Variants in CLMP observed in about 807,000 individuals in gnomAD.
The protein encoded by CLMP is CXADR-like membrane protein.
CLMP carries 27 observed loss-of-function variants against 45.2 expected under a neutral mutation model. That is an observed-to-expected ratio of 0.60 (90% CI 0.44 to 0.82). The LOEUF is 0.82. Among genes scored for constraint, CLMP ranks in the 40% least tolerant of loss-of-function variants. CLMP has a pLI of 0.00. For missense variants in CLMP, 403 were observed against 448.4 expected (o/e 0.90, Z 0.91); for synonymous variants, 167 against 171.4 (o/e 0.97, Z 0.20).
rs201940583 is a variant in CLMP, at chr11:123,092,907, C to CT, written c.186+4887dup. The stretch of plus-strand genomic sequence containing the variant: ...GCCACTGTGCCTGGCCTGACACACA[C>CT]TTTTTTTTTTTTTTTTTTGAGATGT... On this transcript the variant is annotated intron_variant, in intron 2 of 6. Transcript: ENST00000448775. Among the ~76,000 whole-genome samples, 665 of 128,214 alleles carry CT rather than the reference C, an allele frequency of 5.2e-3. 1 individual carries two copies. The highest frequency in any genetic ancestry group is 0.014 in the African/African-American group (457 of 32,254). 84.1% of individuals were successfully genotyped at this position (128,214 alleles called of 152,430 possible).
At chr11:123,084,382 C>T (rs537987811) in intron 3 of CLMP, 130 bp downstream of exon 3, 17 of 694,828 alleles carry the variant, frequency 2.4e-5, no homozygotes, top group Non-Finnish European at 3.7e-5. Flanking sequence ...GGGAACTGGA[C>T]GAGGTGACCT....
chr11:123,084,650 C>T lies in CLMP; in HGVS notation c.250G>A (p.Ala84Thr), dbSNP rs1448629423. The T allele has an allele frequency of 2.5e-6, 4 of 1,614,200 alleles. No individual in the cohort carries two copies. In the African/African-American group the frequency reaches 4.0e-5, roughly 16 times the overall value. ...NLTEEQKGRV[A>T]FASNFLAGDA... ...CCTGCCAGGAAATTGGAAGCAAAGGCCACTCGGCCCTTCTGTTCCTCAGTC... is the reference window on the plus strand; with the variant it reads ...CCTGCCAGGAAATTGGAAGCAAAGGTCACTCGGCCCTTCTGTTCCTCAGTC... Residue 84 changes from alanine to threonine, a missense_variant, in exon 3 of 7, where the codon GCC (alanine) becomes ACC (threonine). Transcript: ENST00000448775.
At chr11:123,113,496 G>A (rs947446683) in intron 1 of CLMP, among the ~76,000 whole-genome samples, 11 of 152,308 alleles carry the variant, frequency 7.2e-5, no homozygotes, top group South Asian at 6.2e-4. Flanking sequence ...TGAAGAGTAC[G>A]TTAGAATTTT....
chr11:123,130,841 CTTTTT>C (rs11322192), intron 1 of CLMP, among the ~76,000 whole-genome samples: 2 of 126,278 alleles, frequency 1.6e-5, no homozygotes, highest in Admixed American at 8.4e-5. Context: ...TTTTCTTTTC[CTTTTT>C]TTTTTTTTTT....
chr11:123,174,995 G>A (rs938295699), intron 1 of CLMP, among the ~76,000 whole-genome samples: 1 of 152,116 alleles, frequency 6.6e-6, no homozygotes, highest in Admixed American at 6.6e-5. Flanking sequence ...GTTCTGTCAC[G>A]CCAGCTGGAG....
intron 1 of CLMP, among the ~76,000 whole-genome samples, chr11:123,130,125 A>G (rs955656881): frequency 6.6e-6 from 1 of 152,198 alleles, no homozygotes; most frequent in Admixed American, 6.5e-5. Context: ...GGTGAGAAAG[A>G]GTAAAAATAT....
chr11:123,110,064 C>T (rs1860617430), intron 1 of CLMP, among the ~76,000 whole-genome samples: 1 of 152,216 alleles, frequency 6.6e-6, no homozygotes, highest in Non-Finnish European at 1.5e-5. Context: ...AATAGGTTTA[C>T]TGCATTTTGT....
chr11:123,166,268 G>C (rs971467359), intron 1 of CLMP, among the ~76,000 whole-genome samples: 4 of 152,024 alleles, frequency 2.6e-5, no homozygotes, highest in Non-Finnish European at 5.9e-5. Flanking sequence ...CTACATCCAG[G>C]TGCCTCTTCT....
intron 1 of CLMP, among the ~76,000 whole-genome samples, chr11:123,170,399 C>T (rs527255816): frequency 2.0e-5 from 3 of 151,404 alleles, no homozygotes; most frequent in East Asian, 3.9e-4. Context: ...GTGGAAGTTC[C>T]TCCTTTTGGC....
At chr11:123,154,603 AT>A (rs1283747522) in intron 1 of CLMP, among the ~76,000 whole-genome samples, 1 of 152,164 alleles carries the variant, frequency 6.6e-6, no homozygotes, top group African/African-American at 2.4e-5. Flanking sequence ...TGTCAAATAA[AT>A]AAGGTGACCA....
chr11:123,156,908 C>G (rs114752879), intron 1 of CLMP, among the ~76,000 whole-genome samples: 19 of 152,252 alleles, frequency 1.2e-4, no homozygotes, highest in African/African-American at 4.6e-4. Context: ...CTTTGTTAAG[C>G]AATTATTTTG....
intron 1 of CLMP, among the ~76,000 whole-genome samples, chr11:123,149,574 C>A (rs1485779553): frequency 6.6e-6 from 1 of 152,058 alleles, no homozygotes; most frequent in East Asian, 1.9e-4. Flanking sequence ...TTAACTTTGA[C>A]CAATTTAGTT....
intron 1 of CLMP, among the ~76,000 whole-genome samples, chr11:123,134,671 GGTAGTGCATGCTT>G (rs1268130689): frequency 2.7e-5 from 4 of 148,820 alleles, no homozygotes; most frequent in Admixed American, 1.3e-4. Flanking sequence ...AGCCCAGCAT[GGTAGTGCATGCTT>G]GTAGTCCCAG....
At chr11:123,076,984 A>G (rs547735786) in intron 5 of CLMP, among the ~76,000 whole-genome samples, 2 of 132,244 alleles carry the variant, frequency 1.5e-5, no homozygotes, top group Admixed American at 1.6e-4. Flanking sequence ...AGAATTTGCT[A>G]TTTATTCTTT....
At chr11:123,142,175 G>C (rs1022535208) in intron 1 of CLMP, among the ~76,000 whole-genome samples, 1 of 151,998 alleles carries the variant, frequency 6.6e-6, no homozygotes, top group Non-Finnish European at 1.5e-5. Context: ...TGTAGAGATG[G>C]AGTTTTGCCA....
intron 1 of CLMP, among the ~76,000 whole-genome samples, chr11:123,106,382 G>GA (rs1175727367): frequency 1.7e-3 from 229 of 135,284 alleles, no homozygotes; most frequent in Non-Finnish European, 2.8e-3. Context: ...TTCTGTAGGA[G>GA]GTGTGTGTGT....
chr11:123,172,606 C>T (rs1861651107), intron 1 of CLMP, among the ~76,000 whole-genome samples: 1 of 152,112 alleles, frequency 6.6e-6, no homozygotes, highest in African/African-American at 2.4e-5. Flanking sequence ...CTCGGCCTCC[C>T]ATGTAGCTGG....
intron 1 of CLMP, among the ~76,000 whole-genome samples, chr11:123,133,313 G>A (rs1214638360): frequency 2.0e-5 from 3 of 152,066 alleles, no homozygotes; most frequent in East Asian, 1.9e-4. Flanking sequence ...CTTTGGCTCT[G>A]TCTAGGTCTG....
In CLMP at chr11:123,106,422, T is replaced by C. The variant is rs937345133; in HGVS notation, c.29-8470A>G. On this transcript the variant is annotated intron_variant, in intron 1 of 6. Transcript: ENST00000448775. ...GTGTGTGTGTGTGTGTGTGTGTGTG[T>C]GTGCGCGCGCGCGCGCGCACGTGCC... 4.7e-3 allele frequency among the ~76,000 whole-genome samples: 406 copies of C among 86,274 alleles called. 3 individuals are homozygous for C. The highest frequency in any genetic ancestry group is 0.016 in the African/African-American group (336 of 20,610). 56.6% of individuals were successfully genotyped at this position (86,274 alleles called of 152,430 possible).
Sources: allele counts gnomAD v4.1 joint callset (sites outside exome capture counted in the v4.1 genomes callset), GRCh38; gene constraint gnomAD v4.1.1; transcripts MANE v1.5; gene names NCBI Gene and HGNC (gene_info 2026-07-23, HGNC 2026-07-21).